Variants in HS3ST5 observed in about 807,000 individuals in gnomAD.
HS3ST5 encodes the protein heparan sulfate glucosamine 3-O-sulfotransferase 5.
A neutral mutation model predicts 25.4 loss-of-function variants in HS3ST5; 10 were observed. That is an observed-to-expected ratio of 0.39 (90% CI 0.24 to 0.67). The LOEUF (loss-of-function observed/expected upper bound fraction) is 0.67. Among genes scored for constraint, HS3ST5 ranks in the 30% least tolerant of loss-of-function variants. The pLI is 0.44. For missense variants in HS3ST5, 324 were observed against 420.7 expected (o/e 0.77, Z 2.01); for synonymous variants, 170 against 162.4 (o/e 1.05, Z -0.36).
intron 3 of HS3ST5, among the ~76,000 whole-genome samples, chr6:114,072,148 T>G (rs1773859137): frequency 1.3e-5 from 2 of 152,230 alleles, no homozygotes; most frequent in Non-Finnish European, 2.9e-5. Context: ...TAGAAAAAGA[T>G]GTATCTCTCA....
chr6:114,097,249 T>C (rs941832651), intron 3 of HS3ST5, among the ~76,000 whole-genome samples: 3 of 151,982 alleles, frequency 2.0e-5, no homozygotes, highest in African/African-American at 7.2e-5. Context: ...AGCTTTTAAA[T>C]TGTAAATACT....
intron 1 of HS3ST5, among the ~76,000 whole-genome samples, chr6:114,341,171 GGAGGGA>G (rs569145025): frequency 0.23 from 18,959 of 82,126 alleles, 1,997 homozygotes; most frequent in Non-Finnish European, 0.27. Context: ...GGGGAGGGAG[GGAGGGA>G]GAGGGAGAGG....
chr6:114,164,932 A>G (rs1779135225), intron 3 of HS3ST5, among the ~76,000 whole-genome samples: 1 of 152,160 alleles, frequency 6.6e-6, no homozygotes, highest in Admixed American at 6.6e-5. Context: ...TCCCTTCAAC[A>G]TCTACAAGGT....
intron 3 of HS3ST5, among the ~76,000 whole-genome samples, chr6:114,109,982 A>G (rs1424952292): frequency 2.0e-5 from 3 of 152,230 alleles, no homozygotes; most frequent in African/African-American, 7.2e-5. Flanking sequence ...TGGACATAAT[A>G]TAATGATTTC....
At chr6:114,083,064 A>G (rs974404634) in intron 3 of HS3ST5, among the ~76,000 whole-genome samples, 1 of 152,216 alleles carries the variant, frequency 6.6e-6, no homozygotes, top group African/African-American at 2.4e-5. Flanking sequence ...TTCAAGTGCT[A>G]TTTCTTTTGC....
At chr6:114,254,246 G>A (rs1363054720) in intron 1 of HS3ST5, among the ~76,000 whole-genome samples, 1 of 152,226 alleles carries the variant, frequency 6.6e-6, no homozygotes, top group African/African-American at 2.4e-5. Context: ...CACTGTGGAA[G>A]ACCCTGAACC....
chr6:114,183,038 T>C (rs933094865), intron 2 of HS3ST5, among the ~76,000 whole-genome samples: 1 of 152,170 alleles, frequency 6.6e-6, no homozygotes, highest in African/African-American at 2.4e-5. Context: ...TTGGCTCCTC[T>C]AGTTCTCAGG....
chr6:114,213,566 G>A (rs1358905185), intron 2 of HS3ST5, among the ~76,000 whole-genome samples: 1 of 152,014 alleles, frequency 6.6e-6, no homozygotes, highest in Non-Finnish European at 1.5e-5. Flanking sequence ...TCAGATTAAA[G>A]CATTCTCTGC....
At chr6:114,253,325 T>C (rs1013389819) in intron 1 of HS3ST5, among the ~76,000 whole-genome samples, 2 of 152,226 alleles carry the variant, frequency 1.3e-5, no homozygotes, top group Non-Finnish European at 2.9e-5. Context: ...CTTCAAAATC[T>C]GAAGTTACGG....
chr6:114,128,785 CCAG>C (rs1777178889), intron 3 of HS3ST5, among the ~76,000 whole-genome samples: 1 of 152,138 alleles, frequency 6.6e-6, no homozygotes, highest in Admixed American at 6.5e-5. Flanking sequence ...GCAATGAGCT[CCAG>C]TCCAGTGTGA....
intron 2 of HS3ST5, among the ~76,000 whole-genome samples, chr6:114,211,292 C>T (rs1781500004): frequency 2.6e-5 from 4 of 152,290 alleles, no homozygotes; most frequent in South Asian, 2.1e-4. Flanking sequence ...TGGGACTTTA[C>T]ATTTATTTCC....
intron 1 of HS3ST5, among the ~76,000 whole-genome samples, chr6:114,324,657 C>A (rs1408533226): frequency 6.6e-6 from 1 of 152,146 alleles, no homozygotes. Context: ...CCTCTTCAAG[C>A]CAAAGCCTAT....
intron 1 of HS3ST5, among the ~76,000 whole-genome samples, chr6:114,325,132 G>A (rs1286238956): frequency 6.6e-6 from 1 of 152,200 alleles, no homozygotes; most frequent in African/African-American, 2.4e-5. Context: ...GGTTTAGCAT[G>A]AGCAGAGGAT....
In HS3ST5 at chr6:114,266,971, T is replaced by C. The variant is rs151109338; in HGVS notation, c.-338-38193A>G. 3.0e-3 allele frequency among the ~76,000 whole-genome samples: 452 copies of C among 152,306 alleles called. 1 individual carries two copies. Among genetic ancestry groups the C allele is most frequent in the African/African-American group, 0.01 (423 of 41,572 alleles). On this transcript the variant is annotated intron_variant, in intron 1 of 4. Coordinates refer to ENST00000312719, the MANE Select transcript of HS3ST5 (RefSeq NM_153612.4). ...TGTTTTCATGTCTGCAGAGAACACT[T>C]GGCTCTCACATTTTATTGCATCTTA... is the stretch of plus-strand genomic sequence containing the variant.
At chr6:114,117,608 T>C (rs1479813917) in intron 3 of HS3ST5, among the ~76,000 whole-genome samples, 1 of 152,162 alleles carries the variant, frequency 6.6e-6, no homozygotes, top group African/African-American at 2.4e-5. Flanking sequence ...TGTTTATAAA[T>C]TGGCCATCCA....
At chr6:114,187,651 T>A (rs1389174501) in intron 2 of HS3ST5, among the ~76,000 whole-genome samples, 5 of 152,196 alleles carry the variant, frequency 3.3e-5, no homozygotes, top group Non-Finnish European at 5.9e-5. Context: ...TTTAGAACAT[T>A]ACATAAACCT....
chr6:114,301,888 A>G (rs1396020158), intron 1 of HS3ST5, among the ~76,000 whole-genome samples: 4 of 152,180 alleles, frequency 2.6e-5, no homozygotes, highest in Non-Finnish European at 5.9e-5. Flanking sequence ...AAGGGCAACC[A>G]AGGGCTTTTT....
intron 2 of HS3ST5, among the ~76,000 whole-genome samples, chr6:114,205,788 A>T (rs959759668): frequency 6.6e-6 from 1 of 152,122 alleles, no homozygotes; most frequent in Non-Finnish European, 1.5e-5. Context: ...AGATTCTCAT[A>T]CAGAACAGGC....
At chr6:114,129,407 C>A (rs1344211745) in intron 3 of HS3ST5, among the ~76,000 whole-genome samples, 1 of 152,076 alleles carries the variant, frequency 6.6e-6, no homozygotes, top group Admixed American at 6.5e-5. Flanking sequence ...AGGTGCCCAC[C>A]ACCACACCCA....
Sources: allele counts gnomAD v4.1 joint callset (sites outside exome capture counted in the v4.1 genomes callset), GRCh38; gene constraint gnomAD v4.1.1; transcripts MANE v1.5; gene names NCBI Gene and HGNC (gene_info 2026-07-23, HGNC 2026-07-21).